MARCHF7: variants seen among roughly 807,000 people sequenced by gnomAD.
MARCHF7 encodes membrane associated ring-CH-type finger 7.
Under a neutral mutation model 76.5 loss-of-function variants are expected in MARCHF7, and 20 were observed. The ratio of observed to expected loss-of-function variants is 0.26; its 90% CI spans 0.18 to 0.38. MARCHF7 has a LOEUF of 0.38. MARCHF7 is among the 10% of genes least tolerant of loss of function. The pLI is 1.00. For missense variants in MARCHF7, 797 were observed against 812.9 expected (o/e 0.98, Z 0.24); for synonymous variants, 295 against 293.0 (o/e 1.01, Z -0.07).
intron 4 of MARCHF7, among the ~76,000 whole-genome samples, chr2:159,734,760 C>G (rs1245431786): frequency 2.0e-5 from 3 of 149,948 alleles, no homozygotes. Context: ...TCACTTGTGG[C>G]CAGGAGTTCG....
chr2:159,729,533 C>T (rs1456000806), intron 4 of MARCHF7, among the ~76,000 whole-genome samples: 1 of 151,972 alleles, frequency 6.6e-6, no homozygotes, highest in Non-Finnish European at 1.5e-5. Context: ...ATTAGCTGGA[C>T]ATGGTGGCAC....
At chr2:159,718,842 G>A (rs990679354) in intron 3 of MARCHF7, among the ~76,000 whole-genome samples, 1 of 152,062 alleles carries the variant, frequency 6.6e-6, no homozygotes, top group African/African-American at 2.4e-5. Context: ...AGAAGGTACA[G>A]TATAAGTAGA....
intron 5 of MARCHF7, 80 bp from the exon 6 acceptor site, chr2:159,745,690 T>A (rs878885621): frequency 1.1e-6 from 1 of 898,168 alleles, no homozygotes; most frequent in South Asian, 1.8e-5. Flanking sequence ...ACACTAACTT[T>A]CCTCTCTATT....
chr2:159,765,285 T>C (rs1424587889), intron 11 of MARCHF7, among the ~76,000 whole-genome samples: 1 of 151,978 alleles, frequency 6.6e-6, no homozygotes, highest in Non-Finnish European at 1.5e-5. Flanking sequence ...TCTCTTAAGA[T>C]CACATTCCAG....
intron 3 of MARCHF7, among the ~76,000 whole-genome samples, chr2:159,728,228 A>G (rs1702391812): frequency 6.6e-6 from 1 of 152,352 alleles, no homozygotes; most frequent in African/African-American, 2.4e-5. Flanking sequence ...GAGTCAGTGA[A>G]CTAACAGATA....
At position 159,767,583 on chromosome 2, in the gene MARCHF7, T is replaced by A. The variant is rs1282389098; in HGVS notation, c.*241T>A. ...TTTATAAACTGGTAATCAAAAAGGT[T>A]TTTTCTTTTAGGTGAGTGGGAAAGT... On this transcript the variant is annotated 3_prime_UTR_variant, in exon 12 of 12. Transcript: ENST00000409175. 8.7e-6 allele frequency: 3 copies of A among 342,988 alleles called. No individual in the cohort carries two copies. Among genetic ancestry groups the A allele is most frequent in the Non-Finnish European group, 1.6e-5 (3 of 189,692 alleles). 21.2% of individuals were successfully genotyped at this position (342,988 alleles called of 1,614,324 possible). A position where few individuals can be genotyped will look rare whatever the true frequency, so the allele number is the denominator to read the frequency against.
chr2:159,727,057 C>T (rs933268500), intron 3 of MARCHF7, among the ~76,000 whole-genome samples: 1 of 152,222 alleles, frequency 6.6e-6, no homozygotes, highest in African/African-American at 2.4e-5. Flanking sequence ...CACCTAAAGA[C>T]GCATTTCTTA....
intron 3 of MARCHF7, among the ~76,000 whole-genome samples, chr2:159,719,082 TCTC>T (rs1701343934): frequency 6.6e-6 from 1 of 152,074 alleles, no homozygotes. Context: ...CTCAGGCAAT[TCTC>T]CTACCTCAGT....
chr2:159,751,848 C>A (rs547369213), intron 7 of MARCHF7, among the ~76,000 whole-genome samples: 2 of 152,234 alleles, frequency 1.3e-5, no homozygotes, highest in East Asian at 3.9e-4. Flanking sequence ...AGCATTCTTT[C>A]AAATTTTTTT....
rs1022147767 is a variant in MARCHF7, at chr2:159,734,051, G to A, written c.153+4876G>A. The A allele has an allele frequency of 6.6e-6, 9 of 1,356,402 alleles. No individual in the cohort carries two copies. The African/African-American group carries it at 8.7e-5, about 13-fold the overall frequency. 84.0% of individuals were successfully genotyped at this position (1,356,402 alleles called of 1,614,324 possible). On this transcript the variant is annotated intron_variant, in intron 4 of 11. Coordinates refer to ENST00000409175, the MANE Select transcript of MARCHF7 (RefSeq NM_001282805.2). The stretch of plus-strand genomic sequence containing the variant: ...ATTTTTATCACAATTTGAATGATTG[G>A]CAACTATGATCATCTTATGTCTTTA...
chr2:159,730,325 CT>C (rs1702635944), intron 4 of MARCHF7, among the ~76,000 whole-genome samples: 1 of 152,076 alleles, frequency 6.6e-6, no homozygotes, highest in South Asian at 2.1e-4. Flanking sequence ...TAAAAGAATC[CT>C]TTGAAAATTT....
chr2:159,733,544 A>G (rs977814983), intron 4 of MARCHF7: 2 of 922,496 alleles, frequency 2.2e-6, no homozygotes, highest in Admixed American at 2.4e-4. Flanking sequence ...GGCCAGAGGC[A>G]ACATTAAAAA....
intron 4 of MARCHF7, among the ~76,000 whole-genome samples, chr2:159,739,864 A>G (rs547062715): frequency 3.3e-5 from 5 of 152,348 alleles, no homozygotes; most frequent in African/African-American, 7.2e-5. Flanking sequence ...ATATAGCCAT[A>G]TAATCTACAT....
At chr2:159,752,692 G>T (rs1356955341) in intron 8 of MARCHF7, 121 bp downstream of exon 8, 1 of 943,712 alleles carries the variant, frequency 1.1e-6, no homozygotes, top group Non-Finnish European at 1.5e-6. Context: ...AATCATTTTT[G>T]AAGTCTCAGC....
Position 159,748,370 on chromosome 2 carries a change from T to A in MARCHF7, c.1080T>A (p.Leu360=), listed in dbSNP as rs1300170243. 1.2e-6 allele frequency: 2 copies of A among 1,613,896 alleles called. No individual in the cohort carries two copies. ...FLRRRWGLSS[L]SHNHSSESDS... ...GGCGAAGATGGGGTTTGTCATCTCT[T>A]AGCCACAATCATAGCTCTGAGTCAG... The change falls in exon 7 of 12, where the codon CTT becomes CTA. Residue 360 remains leucine, a synonymous_variant. Transcript: ENST00000409175.
intron 2 of MARCHF7, among the ~76,000 whole-genome samples, chr2:159,714,972 T>G (rs1297201410): frequency 1.3e-5 from 2 of 152,216 alleles, no homozygotes; most frequent in Non-Finnish European, 2.9e-5. Context: ...GGAGAGCTAT[T>G]GTGTTCCTTA....
rs779059338 is a variant in MARCHF7, at chr2:159,745,752, T to G, written c.347-18T>G. The G allele has an allele frequency of 6.4e-7, 1 of 1,564,520 alleles. No homozygotes were observed. The highest frequency in any genetic ancestry group is 1.4e-5 in the African/African-American group (1 of 72,846). ...TTGAAAGCTTTCTCTGAAATAAAACTTCTTCATTTATTTTAAGATTCATCT... is the reference window on the plus strand; with the variant it reads ...TTGAAAGCTTTCTCTGAAATAAAACGTCTTCATTTATTTTAAGATTCATCT... On this transcript the variant is annotated intron_variant, in intron 5 of 11. Coordinates refer to ENST00000409175, the MANE Select transcript of MARCHF7 (RefSeq NM_001282805.2).
At position 159,729,016 on chromosome 2, in the gene MARCHF7, T is replaced by C. The variant is rs376706576; in HGVS notation, c.-7T>C. The C allele has an allele frequency of 6.5e-6, 10 of 1,547,072 alleles. No homozygotes were observed. In the African/African-American group the frequency reaches 1.3e-4, roughly 20 times the overall value. On this transcript the variant is annotated 5_prime_UTR_variant, in exon 4 of 12. Transcript: ENST00000409175. ...AAAATTTTTATTTCACAGAAAAATC[T>C]TTAAGAATGGAGTCTAAACCTTCAA... is the stretch of plus-strand genomic sequence containing the variant.
intron 8 of MARCHF7, among the ~76,000 whole-genome samples, chr2:159,754,366 A>T (rs754175854): frequency 3.3e-5 from 5 of 152,184 alleles, no homozygotes; most frequent in Non-Finnish European, 5.9e-5. Flanking sequence ...AGGTAAAATG[A>T]GAAGAAAGAA....
Sources: gnomAD v4.1 joint callset for allele counts (sites outside exome capture counted in the v4.1 genomes callset) on GRCh38, gnomAD v4.1.1 for gene constraint, MANE v1.5 for transcripts, NCBI Gene and HGNC (gene_info 2026-07-23, HGNC 2026-07-21) for gene names.